GRID2: variants seen among roughly 807,000 people sequenced by gnomAD.
GRID2 encodes glutamate receptor ionotropic, delta-2.
In GRID2, 33 loss-of-function variants were observed where a neutral mutation model predicts 114.8. The observed-to-expected ratio is 0.29, with a 90% CI of 0.22 to 0.38. The LOEUF (loss-of-function observed/expected upper bound fraction) is 0.38. GRID2 is among the 10% of genes least tolerant of loss of function. GRID2 has a pLI of 1.00. For synonymous variants in GRID2, 505 were observed against 449.9 expected (o/e 1.12, Z -1.55); for missense variants, 1,184 against 1,257.7 (o/e 0.94, Z 0.89).
intron 2 of GRID2, among the ~76,000 whole-genome samples, chr4:92,797,772 A>G (rs72663576): frequency 6.6e-6 from 1 of 152,022 alleles, no homozygotes; most frequent in Non-Finnish European, 1.5e-5. Flanking sequence ...TTTTCAATGT[A>G]TTTATTGAAA....
chr4:92,449,712 A>ATATATAG lies in GRID2; in HGVS notation c.89-140419_89-140418insTATATAG, dbSNP rs1383896886. ...ATATATATATATATATATATATATA[A>ATATATAG]CACTTAAGCCAAATTCATTTATATT... On this transcript the variant is annotated intron_variant, in intron 1 of 15. Transcript: ENST00000282020. Among the ~76,000 whole-genome samples the ATATATAG allele has an allele frequency of 1.6e-3, 111 of 67,654 alleles. 1 individual carries two copies. The highest frequency in any genetic ancestry group is 1.2e-3 in the Non-Finnish European group (37 of 31,868). 44.4% of individuals were successfully genotyped at this position (67,654 alleles called of 152,430 possible). A position where few individuals can be genotyped will look rare whatever the true frequency, so the allele number is the denominator to read the frequency against.
At chr4:93,704,290 T>C (rs2110148274) in intron 14 of GRID2, among the ~76,000 whole-genome samples, 1 of 152,344 alleles carries the variant, frequency 6.6e-6, no homozygotes, top group African/African-American at 2.4e-5. Flanking sequence ...TGCATAAATG[T>C]CTTCTTTTAA....
rs1727668015 is a variant in GRID2 at position 93,060,358 on chromosome 4, G to A, written c.245-24637G>A. 2.0e-5 allele frequency among the ~76,000 whole-genome samples: 3 copies of A among 152,054 alleles called. No individual in the cohort carries two copies. In the South Asian group the frequency reaches 6.2e-4, roughly 32 times the overall value. On this transcript the variant is annotated intron_variant, in intron 2 of 15. Transcript: ENST00000282020. ...GGTCCTCCCACATGTGCAGATAGTA[G>A]GTTTCTGACTGCCTGCTATATTCTG...
At chr4:92,390,982 T>C (rs1287821993) in intron 1 of GRID2, among the ~76,000 whole-genome samples, 1 of 152,120 alleles carries the variant, frequency 6.6e-6, no homozygotes, top group African/African-American at 2.4e-5. Flanking sequence ...AAACCAGAGA[T>C]TATTGGATTC....
intron 2 of GRID2, among the ~76,000 whole-genome samples, chr4:92,866,923 C>G (rs918154097): frequency 2.0e-5 from 3 of 152,084 alleles, no homozygotes; most frequent in African/African-American, 7.2e-5. Flanking sequence ...AATGCTAACC[C>G]CTGGCATTCT....
At chr4:93,617,813 G>A (rs555723123) in intron 13 of GRID2, among the ~76,000 whole-genome samples, 2 of 152,246 alleles carry the variant, frequency 1.3e-5, no homozygotes, top group East Asian at 3.9e-4. Context: ...AGTGCAACAA[G>A]GGGTGATTCA....
At chr4:92,533,184 G>GTTTTTT (rs1471420756) in intron 1 of GRID2, among the ~76,000 whole-genome samples, 1 of 142,714 alleles carries the variant, frequency 7.0e-6, no homozygotes, top group Non-Finnish European at 1.6e-5. Flanking sequence ...ACTTTGGTGT[G>GTTTTTT]TTTTTTTGTT....
chr4:92,377,721 G>A (rs759310615), intron 1 of GRID2, among the ~76,000 whole-genome samples: 4 of 152,132 alleles, frequency 2.6e-5, no homozygotes, highest in East Asian at 1.9e-4. Context: ...GGAGCAAGTC[G>A]TGTCATGTCA....
chr4:92,556,387 A>G (rs1344947135), intron 1 of GRID2, among the ~76,000 whole-genome samples: 1 of 152,156 alleles, frequency 6.6e-6, no homozygotes, highest in East Asian at 1.9e-4. Context: ...AATTTTTAGA[A>G]CATTATCCTA....
intron 4 of GRID2, among the ~76,000 whole-genome samples, chr4:93,122,146 T>C (rs1218080602): frequency 6.6e-6 from 1 of 152,164 alleles, no homozygotes; most frequent in East Asian, 1.9e-4. Flanking sequence ...ACTTTTTGTC[T>C]TTTTTAAAAG....
intron 1 of GRID2, among the ~76,000 whole-genome samples, chr4:92,361,066 A>G (rs1579238221): frequency 6.6e-6 from 1 of 151,840 alleles, no homozygotes; most frequent in East Asian, 1.9e-4. Flanking sequence ...TGTACCAAGG[A>G]CTCTTAAGAA....
intron 2 of GRID2, among the ~76,000 whole-genome samples, chr4:92,780,194 G>C (rs1045584593): frequency 6.6e-6 from 1 of 152,124 alleles, no homozygotes; most frequent in African/African-American, 2.4e-5. Context: ...AAAGTCATCA[G>C]TGTATGACTT....
intron 2 of GRID2, among the ~76,000 whole-genome samples, chr4:93,021,060 T>C (rs1723234210): frequency 6.6e-6 from 1 of 151,532 alleles, no homozygotes; most frequent in Non-Finnish European, 1.5e-5. Flanking sequence ...AAGAAAAATA[T>C]TTTAAAAATC....
chr4:93,238,869 A>G (rs529628553), intron 8 of GRID2, among the ~76,000 whole-genome samples: 1 of 151,538 alleles, frequency 6.6e-6, no homozygotes, highest in Non-Finnish European at 1.5e-5. Flanking sequence ...GATAAATTTC[A>G]TATAGTAAGA....
intron 1 of GRID2, among the ~76,000 whole-genome samples, chr4:92,584,743 CT>C (rs1477709485): frequency 1.3e-5 from 2 of 151,832 alleles, no homozygotes; most frequent in African/African-American, 2.4e-5. Context: ...GATGTACCCT[CT>C]GTCTATATAT....
chr4:93,594,910 G>A (rs543375742), intron 13 of GRID2, among the ~76,000 whole-genome samples: 100 of 152,164 alleles, frequency 6.6e-4, no homozygotes, highest in Non-Finnish European at 8.2e-4. Context: ...CCCTGCTTCG[G>A]CTCATGCACG....
At chr4:93,162,765 A>G (rs981210653) in intron 4 of GRID2, among the ~76,000 whole-genome samples, 4 of 151,970 alleles carry the variant, frequency 2.6e-5, no homozygotes, top group African/African-American at 7.2e-5. Flanking sequence ...ATTAGAAAGA[A>G]GCAAGAATTT....
chr4:93,727,108 T>C (rs1380618535), intron 14 of GRID2, among the ~76,000 whole-genome samples: 2 of 152,168 alleles, frequency 1.3e-5, no homozygotes, highest in South Asian at 2.1e-4. Flanking sequence ...TTCAGTATGA[T>C]ATTGGCTGTG....
At chr4:92,705,347 C>T (rs367684242) in intron 2 of GRID2, among the ~76,000 whole-genome samples, 60 of 152,200 alleles carry the variant, frequency 3.9e-4, no homozygotes, top group Middle Eastern at 6.8e-3. Flanking sequence ...ATTATTCTTT[C>T]GACATTTATT....
Sources: allele counts gnomAD v4.1 joint callset (sites outside exome capture counted in the v4.1 genomes callset), GRCh38; gene constraint gnomAD v4.1.1; transcripts MANE v1.5; gene names NCBI Gene and HGNC (gene_info 2026-07-23, HGNC 2026-07-21).